PTBP2: variants seen among roughly 807,000 people sequenced by gnomAD.
PTBP2 encodes polypyrimidine tract-binding protein 2.
Under a neutral mutation model 61.4 loss-of-function variants are expected in PTBP2, and 13 were observed. The ratio of observed to expected loss-of-function variants is 0.21; its 90% CI spans 0.14 to 0.34. The LOEUF is 0.34. Among genes scored for constraint, PTBP2 ranks in the 10% least tolerant of loss-of-function variants. The probability of loss-of-function intolerance (pLI) is 1.00; values close to 1 mark genes in which losing one functional copy is unlikely to be tolerated. For synonymous variants in PTBP2, 215 were observed against 218.5 expected (o/e 0.98, Z 0.14); for missense variants, 405 against 642.6 (o/e 0.63, Z 4.00).
intron 7 of PTBP2, among the ~76,000 whole-genome samples, chr1:96,781,642 A>G (rs1034773890): frequency 2.0e-5 from 3 of 151,938 alleles, no homozygotes; most frequent in Admixed American, 2.0e-4. Context: ...GTAACATTTC[A>G]ACTAGATTAG....
chr1:96,766,966 T>TG (rs1305026627), intron 3 of PTBP2, among the ~76,000 whole-genome samples: 1 of 152,202 alleles, frequency 6.6e-6, no homozygotes, highest in African/African-American at 2.4e-5. Flanking sequence ...TATCTAATCT[T>TG]GGGCATTTAA....
intron 2 of PTBP2, among the ~76,000 whole-genome samples, chr1:96,746,199 T>C (rs141136834): frequency 0.012 from 1,888 of 152,250 alleles, 38 homozygotes; most frequent in African/African-American, 0.044. Flanking sequence ...AAGGTATAGG[T>C]ATATATTACT....
At position 96,804,823 on chromosome 1, in the gene PTBP2, T is replaced by G; in HGVS notation, c.928T>G (p.Leu310Val). The change falls in exon 9 of 14, where the codon TTG becomes GTG. Residue 310 changes from leucine to valine, a missense_variant. Transcript: ENST00000674951. ...AGCTGTTCCAGGAGCTCTGAGTCCT[T>G]TGGCCATTCCAAATGCTGCTGCAGC... ...LLAVPGALSP[L>V]AIPNAAAAAA... 6.2e-7 allele frequency: 1 copy of G among 1,612,102 alleles called. No homozygotes were observed. Among genetic ancestry groups the G allele is most frequent in the Non-Finnish European group, 8.5e-7 (1 of 1,178,512 alleles).
chr1:96,753,822 C>T (rs186889845), intron 3 of PTBP2, among the ~76,000 whole-genome samples: 1 of 152,168 alleles, frequency 6.6e-6, no homozygotes, highest in East Asian at 1.9e-4. Context: ...GAACTAGTAG[C>T]AGATTGGAGA....
chr1:96,762,868 G>A (rs936130436), intron 3 of PTBP2, among the ~76,000 whole-genome samples: 7 of 151,698 alleles, frequency 4.6e-5, no homozygotes, highest in South Asian at 2.1e-4. Flanking sequence ...CAGATGGGGC[G>A]GCCGGGCCGA....
At chr1:96,756,105 A>G (rs116020165) in intron 3 of PTBP2, among the ~76,000 whole-genome samples, 70 of 152,346 alleles carry the variant, frequency 4.6e-4, no homozygotes, top group African/African-American at 1.7e-3. Context: ...GCAATTTCTT[A>G]GAAAACTATA....
chr1:96,765,615 G>A (rs1656592102), intron 3 of PTBP2, among the ~76,000 whole-genome samples: 1 of 151,960 alleles, frequency 6.6e-6, no homozygotes, highest in Admixed American at 6.6e-5. Flanking sequence ...GGAGGCTGTG[G>A]CACGAGAATC....
intron 13 of PTBP2, 70 bp from the exon 14 acceptor site, chr1:96,813,206 A>G (rs1272867809): frequency 1.3e-6 from 2 of 1,552,028 alleles, no homozygotes; most frequent in African/African-American, 1.4e-5. Context: ...GGAATGGCCA[A>G]AATTCAAGTA....
intron 2 of PTBP2, among the ~76,000 whole-genome samples, chr1:96,726,074 C>CAAAA (rs762152365): frequency 3.5e-4 from 19 of 54,186 alleles, no homozygotes; most frequent in South Asian, 8.4e-4. Flanking sequence ...GACTCTATCT[C>CAAAA]AAAAAAAAAA....
intron 8 of PTBP2, among the ~76,000 whole-genome samples, chr1:96,803,989 G>GCCAC (rs1196857985): frequency 1.2e-4 from 19 of 152,136 alleles, no homozygotes; most frequent in African/African-American, 4.6e-4. Context: ...GATGAACGGT[G>GCCAC]CTAACACAAA....
intron 2 of PTBP2, among the ~76,000 whole-genome samples, chr1:96,732,632 A>G (rs567111054): frequency 3.3e-5 from 5 of 152,360 alleles, no homozygotes; most frequent in Admixed American, 3.3e-4. Flanking sequence ...AGTTAGAGAA[A>G]TAAGGACTCA....
At chr1:96,815,413 A>G (rs970080322), downstream of PTBP2, 1 of 152,204 alleles carries the variant, frequency 6.6e-6, no homozygotes, top group African/African-American at 2.4e-5. Context: ...GGTGGGAAGA[A>G]TGATATACAT....
chr1:96,751,607 G>A lies in PTBP2; in HGVS notation c.115+107G>A, dbSNP rs557929971. 49 of 736,266 alleles carry A rather than the reference G, an allele frequency of 6.7e-5. No individual in the cohort carries two copies. In the Middle Eastern group the frequency reaches 3.9e-3, roughly 58 times the overall value. The allele number at this position is 736,266 out of a possible 1,614,324, so 45.6% of individuals were successfully genotyped here. A position where few individuals can be genotyped will look rare whatever the true frequency, so the allele number is the denominator to read the frequency against. On this transcript the variant is annotated intron_variant, in intron 3 of 13. Transcript: ENST00000674951. Reference sequence around the variant, plus strand: ...CAGGAAAGCCTTTCTTTTTAAATGCGTGTTGAAACATTTTAGAGTAAATTT... The same window carrying A: ...CAGGAAAGCCTTTCTTTTTAAATGCATGTTGAAACATTTTAGAGTAAATTT...
At chr1:96,735,535 G>T (rs1051365568) in intron 2 of PTBP2, among the ~76,000 whole-genome samples, 2 of 152,092 alleles carry the variant, frequency 1.3e-5, no homozygotes, top group Non-Finnish European at 2.9e-5. Flanking sequence ...GATGAGAATG[G>T]TTGTTGTTGT....
At chr1:96,801,861 C>CA (rs397861502) in intron 8 of PTBP2, among the ~76,000 whole-genome samples, 12,383 of 75,310 alleles carry the variant, frequency 0.16, 1,134 homozygotes, top group East Asian at 0.51. Context: ...GACTCCATCT[C>CA]AAAAAAAAAA....
At chr1:96,724,385 G>A (rs1650076795) in intron 2 of PTBP2, among the ~76,000 whole-genome samples, 1 of 151,852 alleles carries the variant, frequency 6.6e-6, no homozygotes, top group Non-Finnish European at 1.5e-5. Flanking sequence ...TGAGTAGCTG[G>A]GATTACAGGT....
chr1:96,800,078 T>C lies in PTBP2; in HGVS notation c.905-4722T>C, dbSNP rs1354608130. 3.9e-5 allele frequency among the ~76,000 whole-genome samples: 6 copies of C among 151,922 alleles called. No homozygotes were observed. In the South Asian group the frequency reaches 6.2e-4, roughly 16 times the overall value. The stretch of plus-strand genomic sequence containing the variant: ...ACATACGAGTGGCATTAAGGACAGG[T>C]GGTGGCTTCTTTTACCTATTAAAGC... On this transcript the variant is annotated intron_variant, in intron 8 of 13. Coordinates refer to ENST00000674951, the MANE Select transcript of PTBP2 (RefSeq NM_021190.4).
chr1:96,763,098 G>A (rs1226352716), intron 3 of PTBP2, among the ~76,000 whole-genome samples: 1 of 151,634 alleles, frequency 6.6e-6, no homozygotes, highest in South Asian at 2.1e-4. Flanking sequence ...TCCAGACTGG[G>A]CAGCCAGGCA....
chr1:96,803,697 A>T (rs1338342359), intron 8 of PTBP2, among the ~76,000 whole-genome samples: 1 of 152,186 alleles, frequency 6.6e-6, no homozygotes, highest in Non-Finnish European at 1.5e-5. Context: ...AGATCTCTAA[A>T]ACCAAAGGTA....
Sources: allele counts gnomAD v4.1 joint callset (sites outside exome capture counted in the v4.1 genomes callset), GRCh38; gene constraint gnomAD v4.1.1; transcripts MANE v1.5; gene names NCBI Gene and HGNC (gene_info 2026-07-23, HGNC 2026-07-21).